Variants in FAM174B observed in about 807,000 individuals in gnomAD.
FAM174B encodes the protein membrane protein FAM174B.
In FAM174B, 12 loss-of-function variants were observed where a neutral mutation model predicts 10.9. The ratio of observed to expected loss-of-function variants is 1.10; its 90% CI spans 0.71 to 1.79. The LOEUF (loss-of-function observed/expected upper bound fraction) is 1.79, where lower values mean the gene tolerates loss of function less well. FAM174B is among the 40% of genes most tolerant of loss of function. FAM174B has a pLI of 0.00. For missense variants in FAM174B, 266 were observed against 233.3 expected, an observed-to-expected ratio of 1.14 and a Z score of -0.91; for synonymous variants, 132 against 115.8, an observed-to-expected ratio of 1.14 and a Z score of -0.90.
intron 1 of FAM174B, among the ~76,000 whole-genome samples, chr15:92,651,278 C>G (rs797021496): frequency 1.3e-5 from 2 of 152,298 alleles, no homozygotes; most frequent in African/African-American, 4.8e-5. Flanking sequence ...AGAAGCCCCA[C>G]TCCCAGGTGT....
chr15:92,637,861 CAA>C (rs1269821141), intron 1 of FAM174B, among the ~76,000 whole-genome samples: 6 of 152,182 alleles, frequency 3.9e-5, no homozygotes, highest in Non-Finnish European at 8.8e-5. Flanking sequence ...TCATTTTACT[CAA>C]AGACACACGC....
chr15:92,655,721 C>T lies in FAM174B; in HGVS notation c.-62G>A. 1.7e-6 allele frequency: 2 copies of T among 1,199,356 alleles called. No homozygotes were observed. 74.3% of individuals were successfully genotyped at this position (1,199,356 alleles called of 1,614,324 possible). A position where few individuals can be genotyped will look rare whatever the true frequency, so the allele number is the denominator to read the frequency against. The stretch of plus-strand genomic sequence containing the variant: ...CGCGGCTGAGCTCCAGGATCCGCAC[C>T]AGCACGGAGGCCTGCACCGGGGGAT... On this transcript the variant is annotated 5_prime_UTR_variant, in exon 1 of 3. Coordinates refer to ENST00000327355, the MANE Select transcript of FAM174B (RefSeq NM_207446.3).
At position 92,618,950 on chromosome 15, in the gene FAM174B, A is replaced by G. The variant is rs1270080482; in HGVS notation, c.*506T>C. Reference sequence around the variant, plus strand: ...CTTGAACTCTGACACAGGTAACGCCAAAATGAGGCCAGGACCTGACCAAGC... The same window carrying G: ...CTTGAACTCTGACACAGGTAACGCCGAAATGAGGCCAGGACCTGACCAAGC... On this transcript the variant is annotated 3_prime_UTR_variant, in exon 3 of 3. Coordinates refer to ENST00000327355, the MANE Select transcript of FAM174B (RefSeq NM_207446.3). 2.2e-5 allele frequency: 12 copies of G among 553,798 alleles called. No individual in the cohort carries two copies. The highest frequency in any genetic ancestry group is 3.5e-5 in the Non-Finnish European group (11 of 311,024). 34.3% of individuals were successfully genotyped at this position (553,798 alleles called of 1,614,324 possible).
chr15:92,622,269 G>C (rs8025001), intron 2 of FAM174B, among the ~76,000 whole-genome samples: 2 of 152,228 alleles, frequency 1.3e-5, no homozygotes, highest in African/African-American at 4.8e-5. Context: ...ACACAAGGTA[G>C]GGAGCCACAC....
chr15:92,633,525 C>G (rs1028070496), intron 1 of FAM174B, among the ~76,000 whole-genome samples: 1 of 152,112 alleles, frequency 6.6e-6, no homozygotes, highest in Non-Finnish European at 1.5e-5. Context: ...TATCACAAAG[C>G]ATTTTTCGTC....
intron 1 of FAM174B, among the ~76,000 whole-genome samples, chr15:92,632,633 C>T (rs1163174894): frequency 2.0e-5 from 3 of 151,920 alleles, no homozygotes; most frequent in Non-Finnish European, 4.4e-5. Context: ...CCTCAGCCTC[C>T]TGAGAAGCTG....
At chr15:92,643,051 G>A (rs2050901704) in intron 1 of FAM174B, among the ~76,000 whole-genome samples, 1 of 152,112 alleles carries the variant, frequency 6.6e-6, no homozygotes, top group South Asian at 2.1e-4. Context: ...AGTCTGGAGT[G>A]ATGAATGTAT....
At chr15:92,630,720 TTTATA>T (rs1374457919) in intron 1 of FAM174B, among the ~76,000 whole-genome samples, 1 of 139,102 alleles carries the variant, frequency 7.2e-6, no homozygotes, top group East Asian at 2.0e-4. Flanking sequence ...TTATATATTT[TTTATA>T]TTATATAATT....
intron 1 of FAM174B, among the ~76,000 whole-genome samples, chr15:92,650,864 G>C (rs111624266): frequency 4.4e-4 from 67 of 152,312 alleles, no homozygotes; most frequent in Admixed American, 1.1e-3. Context: ...CACCACACCA[G>C]GTACCTGTAG....
In FAM174B at chr15:92,649,500, A is replaced by G. The variant is rs184638189; in HGVS notation, c.344+5816T>C. Among the ~76,000 whole-genome samples, 3 of 152,342 alleles carry G rather than the reference A, an allele frequency of 2.0e-5. No individual in the cohort carries two copies. In the East Asian group the frequency reaches 5.8e-4, roughly 29 times the overall value. ...GGTGTAAATTACATCTGTTTTCAGA[A>G]TCGTATTTTTCAATATAATAGGACA... On this transcript the variant is annotated intron_variant, in intron 1 of 2. Transcript: ENST00000327355.
chr15:92,650,762 A>G (rs1421880444), intron 1 of FAM174B, among the ~76,000 whole-genome samples: 1 of 152,184 alleles, frequency 6.6e-6, no homozygotes, highest in African/African-American at 2.4e-5. Context: ...AAAAATTAGG[A>G]GCAATCACAG....
intron 1 of FAM174B, among the ~76,000 whole-genome samples, chr15:92,630,838 T>TATTACGTGTTAC (rs2050791382): frequency 1.9e-5 from 1 of 51,730 alleles, no homozygotes; most frequent in African/African-American, 4.2e-5. Flanking sequence ...ATATATTATA[T>TATTACGTGTTAC]ATATTACATA....
intron 1 of FAM174B, among the ~76,000 whole-genome samples, chr15:92,641,517 C>A (rs550727746): frequency 6.6e-6 from 1 of 152,026 alleles, no homozygotes; most frequent in Admixed American, 6.5e-5. Flanking sequence ...ACCACTCAGA[C>A]ACACAAGATA....
Position 92,628,635 on chromosome 15 carries a change from A to T in FAM174B, c.476+1579T>A, listed in dbSNP as rs1459594625. On this transcript the variant is annotated intron_variant, in intron 2 of 2. Coordinates refer to ENST00000327355, the MANE Select transcript of FAM174B (RefSeq NM_207446.3). ...GCCCTTTACCTAAAATGCAAATTAC[A>T]ACTAATGGGATTTTTCTCCCATTCT... Among the ~76,000 whole-genome samples the T allele has an allele frequency of 2.0e-5, 3 of 152,232 alleles. No individual in the cohort carries two copies. In the East Asian group the frequency reaches 5.8e-4, roughly 29 times the overall value.
Position 92,655,619 on chromosome 15 carries a change from A to AGCAGCGGCAGGAGCGGGGCGG in FAM174B, c.20_40dup (p.Pro7_Leu13dup), listed in dbSNP as rs1474316780. ...GGGAGCGGCCAGGAGCGCGAGCAGC[A>AGCAGCGGCAGGAGCGGGGCGG]GCAGCGGCAGGAGCGGGGCGGGCAG... On this transcript the variant is annotated inframe_insertion, in exon 1 of 3. Transcript: ENST00000327355. 12 of 1,266,342 alleles carry AGCAGCGGCAGGAGCGGGGCGG rather than the reference A, an allele frequency of 9.5e-6. No individual in the cohort carries two copies. The East Asian group carries it at 2.3e-4, about 24-fold the overall frequency. 78.4% of individuals were successfully genotyped at this position (1,266,342 alleles called of 1,614,324 possible).
rs1028249916 is a variant in FAM174B, at chr15:92,618,675, ACTTTC to A, written c.*776_*780del. The A allele has an allele frequency of 6.5e-6, 1 of 153,674 alleles. No individual in the cohort carries two copies. Among genetic ancestry groups the A allele is most frequent in the African/African-American group, 2.4e-5 (1 of 41,484 alleles). The allele number at this position is 153,674 out of a possible 1,614,324, so 9.5% of individuals were successfully genotyped here. On this transcript the variant is annotated 3_prime_UTR_variant, in exon 3 of 3. Transcript: ENST00000327355. Reference sequence around the variant, plus strand: ...TGTTGCTAATCACAGGCTGCCTAGCACTTTCCTTTCCCTTCAGAGAAGGAGAAACT... The same window carrying A: ...TGTTGCTAATCACAGGCTGCCTAGCACTTTCCCTTCAGAGAAGGAGAAACT...
At chr15:92,624,225 T>C (rs1357521168) in intron 2 of FAM174B, among the ~76,000 whole-genome samples, 1 of 152,254 alleles carries the variant, frequency 6.6e-6, no homozygotes, top group Non-Finnish European at 1.5e-5. Context: ...GGATGGCTTC[T>C]GATGCTGTTT....
intron 1 of FAM174B, among the ~76,000 whole-genome samples, chr15:92,647,542 C>T (rs1027408546): frequency 1.3e-5 from 2 of 152,194 alleles, no homozygotes; most frequent in South Asian, 4.2e-4. Flanking sequence ...AGGTCAGACA[C>T]GCCACATTAT....
chr15:92,629,132 C>T (rs1379541338), intron 2 of FAM174B, among the ~76,000 whole-genome samples: 3 of 152,096 alleles, frequency 2.0e-5, no homozygotes. Flanking sequence ...CTTGCCTTCC[C>T]AGACATGCAG....
Sources: allele counts gnomAD v4.1 joint callset (sites outside exome capture counted in the v4.1 genomes callset), GRCh38; gene constraint gnomAD v4.1.1; transcripts MANE v1.5; gene names NCBI Gene and HGNC (gene_info 2026-07-23, HGNC 2026-07-21).